The following PAWR variants were observed in gnomAD, a reference collection of about 807,000 sequenced individuals.
The protein encoded by PAWR is PRKC apoptosis WT1 regulator protein.
In PAWR, 23 loss-of-function variants were observed where a neutral mutation model predicts 32.0. That is an observed-to-expected ratio of 0.72 (90% CI 0.52 to 1.02). The LOEUF is 1.02. Ranked by LOEUF, PAWR falls within the 50% of genes least tolerant of loss-of-function variation. The pLI, the probability that PAWR is intolerant of heterozygous loss-of-function variation, is 0.00. For missense variants in PAWR, 457 were observed against 437.7 expected, an observed-to-expected ratio of 1.04 and a Z score of -0.39; for synonymous variants, 226 against 187.1, an observed-to-expected ratio of 1.21 and a Z score of -1.70.
At chr12:79,664,664 G>GT (rs886744048) in intron 2 of PAWR, among the ~76,000 whole-genome samples, 4 of 148,676 alleles carry the variant, frequency 2.7e-5, no homozygotes, top group Admixed American at 2.0e-4. Context: ...TTGGCGGGGG[G>GT]GGGAGGAGAG....
rs545830083 is a variant in PAWR at position 79,607,435 on chromosome 12, T to C, written c.683+6140A>G. Among the ~76,000 whole-genome samples the C allele has an allele frequency of 1.2e-3, 187 of 152,270 alleles. 2 individuals are homozygous for C. Among genetic ancestry groups the C allele is most frequent in the Non-Finnish European group, 2.1e-3 (143 of 68,014 alleles). ...TTGGATTTCCCACCGTTAAAGAATCTGGCTGATTTCTGGCCAGGTACAATG... is the reference window on the plus strand; with the variant it reads ...TTGGATTTCCCACCGTTAAAGAATCCGGCTGATTTCTGGCCAGGTACAATG... On this transcript the variant is annotated intron_variant, in intron 4 of 6. Coordinates refer to ENST00000328827, the MANE Select transcript of PAWR (RefSeq NM_002583.4).
intron 2 of PAWR, among the ~76,000 whole-genome samples, chr12:79,661,969 TA>T (rs911970251): frequency 1.3e-5 from 2 of 151,912 alleles, no homozygotes; most frequent in Non-Finnish European, 2.9e-5. Flanking sequence ...TAATAAATGA[TA>T]AAAAAAGATT....
intron 2 of PAWR, among the ~76,000 whole-genome samples, chr12:79,681,460 A>G (rs1006856544): frequency 1.3e-5 from 2 of 152,144 alleles, no homozygotes; most frequent in Non-Finnish European, 2.9e-5. Flanking sequence ...TCTAAAAAAC[A>G]TACAACAAAA....
chr12:79,657,163 G>GA (rs757350217), intron 2 of PAWR, among the ~76,000 whole-genome samples: 2 of 151,804 alleles, frequency 1.3e-5, no homozygotes, highest in Middle Eastern at 3.4e-3. Flanking sequence ...AGATTTTAGG[G>GA]AAAAAAAGAG....
At chr12:79,668,346 C>T (rs1317836583) in intron 2 of PAWR, 2 of 152,376 alleles carry the variant, frequency 1.3e-5, no homozygotes, top group South Asian at 4.1e-4. Flanking sequence ...TTCTGCTTCA[C>T]GAAATAGCCC....
Position 79,586,994 on chromosome 12 carries a change from GA to G in PAWR, c.*5612del, listed in dbSNP as rs1447435834. On this transcript the variant is annotated 3_prime_UTR_variant, in exon 7 of 7. Coordinates refer to ENST00000328827, the MANE Select transcript of PAWR (RefSeq NM_002583.4). ...CCTCTTTTAAAGATGAAGAAAAACT[GA>G]AAAAATGAGATTAAGAAAATATGTG... 1.3e-5 allele frequency: 2 copies of G among 152,010 alleles called. No individual in the cohort carries two copies. The highest frequency in any genetic ancestry group is 2.9e-5 in the Non-Finnish European group (2 of 67,956). 9.4% of individuals were successfully genotyped at this position (152,010 alleles called of 1,614,324 possible).
In PAWR at chr12:79,675,068, C is replaced by G. The variant is rs1045725444; in HGVS notation, c.516+14661G>C. On this transcript the variant is annotated intron_variant, in intron 2 of 6. Coordinates refer to ENST00000328827, the MANE Select transcript of PAWR (RefSeq NM_002583.4). The stretch of plus-strand genomic sequence containing the variant: ...GCAATCCTTTTACTGGGTATATACC[C>G]AAAGGACTAGAAATCATTCTACCAC... Among the ~76,000 whole-genome samples the G allele has an allele frequency of 3.9e-5, 6 of 152,076 alleles. 1 individual carries two copies. Among genetic ancestry groups the G allele is most frequent in the Admixed American group, 3.9e-4 (6 of 15,266 alleles).
In PAWR at chr12:79,632,979, T is replaced by G. The variant is rs1004531498; in HGVS notation, c.517-11772A>C. 2.0e-5 allele frequency among the ~76,000 whole-genome samples: 3 copies of G among 151,788 alleles called. No individual in the cohort carries two copies. The East Asian group carries it at 5.9e-4, about 30-fold the overall frequency. On this transcript the variant is annotated intron_variant, in intron 2 of 6. Coordinates refer to ENST00000328827, the MANE Select transcript of PAWR (RefSeq NM_002583.4). Reference sequence around the variant, plus strand: ...TGAAACCCTGTCTCTACTAAAAATATGAAAATCAGCCAGGCGTAGTGGCGC... The same window carrying G: ...TGAAACCCTGTCTCTACTAAAAATAGGAAAATCAGCCAGGCGTAGTGGCGC...
chr12:79,689,844 G>C lies in PAWR; in HGVS notation c.401C>G (p.Pro134Arg). Residue 134 changes from proline (P) to arginine (R), a missense_variant, in exon 2 of 7, where the codon CCA becomes CGA. Pro to Arg is a moderately radical substitution (Grantham distance 103). Transcript: ENST00000328827. ...GGGGCCCGAGCTCTTGCCCTTCTCT[G>C]GGACGCCGTCCGGCTCCTCCTCGTC... The part of the protein sequence containing the change: ...QRDEEEPDGV[P>R]EKGKSSGPSA... The C allele has an allele frequency of 6.3e-7, 1 of 1,588,018 alleles. No homozygotes were observed. The highest frequency in any genetic ancestry group is 1.1e-5 in the South Asian group (1 of 87,190).
At chr12:79,632,345 A>ATT (rs1875727735) in intron 2 of PAWR, among the ~76,000 whole-genome samples, 1 of 58,816 alleles carries the variant, frequency 1.7e-5, no homozygotes, top group African/African-American at 3.6e-4. Flanking sequence ...ATATATATAT[A>ATT]TATATATATA....
At chr12:79,680,143 G>C (rs370347692) in intron 2 of PAWR, among the ~76,000 whole-genome samples, 1 of 152,200 alleles carries the variant, frequency 6.6e-6, no homozygotes, top group East Asian at 1.9e-4. Flanking sequence ...ACATGTTAGG[G>C]AACAAGTTGA....
rs1250959319 is a variant in PAWR at position 79,591,223 on chromosome 12, T to C, written c.*1384A>G. The C allele has an allele frequency of 6.6e-6, 1 of 152,216 alleles. No individual in the cohort carries two copies. Among genetic ancestry groups the C allele is most frequent in the African/African-American group, 2.4e-5 (1 of 41,452 alleles). The allele number at this position is 152,216 out of a possible 1,614,324, so 9.4% of individuals were successfully genotyped here. Reference sequence around the variant, plus strand: ...CAACCTAGGTAAATGTAGAGACTTTTAGAATTCAACATTTGATTATCATTT... The same window carrying C: ...CAACCTAGGTAAATGTAGAGACTTTCAGAATTCAACATTTGATTATCATTT... On this transcript the variant is annotated 3_prime_UTR_variant, in exon 7 of 7. Transcript: ENST00000328827.
intron 2 of PAWR, among the ~76,000 whole-genome samples, chr12:79,648,774 A>C (rs530046434): frequency 6.7e-6 from 1 of 150,138 alleles, no homozygotes; most frequent in East Asian, 2.0e-4. Flanking sequence ...GGGCAACAGG[A>C]TGGCTCTAAC....
intron 2 of PAWR, among the ~76,000 whole-genome samples, chr12:79,627,836 T>A (rs1566008808): frequency 6.6e-6 from 1 of 152,122 alleles, no homozygotes; most frequent in Non-Finnish European, 1.5e-5. Flanking sequence ...CAAAGAGACT[T>A]AGACTCCCAC....
chr12:79,630,587 G>A (rs1373169018), intron 2 of PAWR, among the ~76,000 whole-genome samples: 1 of 152,136 alleles, frequency 6.6e-6, no homozygotes, highest in Non-Finnish European at 1.5e-5. Context: ...ACAGGTGTGG[G>A]CCACCATGTG....
At chr12:79,646,948 C>T (rs542508085) in intron 2 of PAWR, among the ~76,000 whole-genome samples, 40 of 152,054 alleles carry the variant, frequency 2.6e-4, no homozygotes, top group East Asian at 7.7e-4. Flanking sequence ...GAGGCTGAGG[C>T]GGGAGGATCA....
At chr12:79,597,187 T>C (rs996882532) in intron 4 of PAWR, 1 of 151,990 alleles carries the variant, frequency 6.6e-6, no homozygotes, top group African/African-American at 2.4e-5. Flanking sequence ...GCTTCCTGAG[T>C]AGCTGGGACT....
At chr12:79,625,874 G>A (rs542799997) in intron 2 of PAWR, among the ~76,000 whole-genome samples, 1 of 151,214 alleles carries the variant, frequency 6.6e-6, no homozygotes, top group Non-Finnish European at 1.5e-5. Flanking sequence ...ATACACAAAA[G>A]TATATAAGAA....
rs1215102687 is a variant in PAWR, at chr12:79,690,827, G to A, written c.-148+45C>T. 3.9e-5 allele frequency: 6 copies of A among 152,394 alleles called. No homozygotes were observed. The East Asian group carries it at 1.2e-3, about 29-fold the overall frequency. 9.4% of individuals were successfully genotyped at this position (152,394 alleles called of 1,614,324 possible). A position where few individuals can be genotyped will look rare whatever the true frequency, so the allele number is the denominator to read the frequency against. On this transcript the variant is annotated intron_variant, in intron 1 of 6. Coordinates refer to ENST00000328827, the MANE Select transcript of PAWR (RefSeq NM_002583.4). ...TCGCAGAGGAGGCGGGGACCCAGCT[G>A]TCCCGCCGAGCGTGGAAAGGACCGG... is the stretch of plus-strand genomic sequence containing the variant.
Sources: allele counts gnomAD v4.1 joint callset (sites outside exome capture counted in the v4.1 genomes callset), GRCh38; gene constraint gnomAD v4.1.1; transcripts MANE v1.5; gene names NCBI Gene and HGNC (gene_info 2026-07-23, HGNC 2026-07-21).